Variants in NCAM2 observed in about 807,000 individuals in gnomAD.
NCAM2 encodes neural cell adhesion molecule 2.
In NCAM2, 30 loss-of-function variants were observed where a neutral mutation model predicts 98.1. That is an observed-to-expected ratio of 0.31 (90% confidence interval 0.23 to 0.41). NCAM2 has a LOEUF of 0.41. Ranked by LOEUF, NCAM2 falls within the 10% of genes least tolerant of loss-of-function variation. NCAM2 has a pLI of 1.00. For missense variants in NCAM2, 867 were observed against 1,005.8 expected (o/e 0.86, Z 1.87); for synonymous variants, 368 against 342.4 (o/e 1.07, Z -0.83).
chr21:21,445,187 G>A (rs1309511518), intron 12 of NCAM2, among the ~76,000 whole-genome samples: 7 of 152,124 alleles, frequency 4.6e-5, no homozygotes, highest in African/African-American at 1.4e-4. Context: ...ATTGCACTGT[G>A]GCCTGAGAGG....
intron 9 of NCAM2, chr21:21,385,613 A>T (rs967261931): frequency 3.1e-5 from 40 of 1,287,322 alleles, no homozygotes; most frequent in Non-Finnish European, 3.8e-5. Flanking sequence ...GCTTAAACAG[A>T]TTTCTTGGCA....
chr21:21,129,624 A>G (rs946674679), intron 1 of NCAM2, among the ~76,000 whole-genome samples: 2 of 152,154 alleles, frequency 1.3e-5, no homozygotes, highest in Admixed American at 1.3e-4. Context: ...TTTGGTTTTT[A>G]GATGGCATTC....
At chr21:21,136,997 A>T (rs1452368903) in intron 1 of NCAM2, among the ~76,000 whole-genome samples, 1 of 151,616 alleles carries the variant, frequency 6.6e-6, no homozygotes, top group Non-Finnish European at 1.5e-5. Context: ...TTTATGACTT[A>T]GAGTTGCTTG....
intron 1 of NCAM2, among the ~76,000 whole-genome samples, chr21:21,197,484 AACAG>A (rs1163237965): frequency 6.6e-6 from 1 of 152,176 alleles, no homozygotes; most frequent in African/African-American, 2.4e-5. Flanking sequence ...GCTGTGCAGA[AACAG>A]ACAAATACTT....
At chr21:21,445,115 T>C (rs540556316) in intron 12 of NCAM2, among the ~76,000 whole-genome samples, 97 of 152,294 alleles carry the variant, frequency 6.4e-4, no homozygotes, top group African/African-American at 2.2e-3. Flanking sequence ...AGGAGCAGAT[T>C]GTTGAATGTC....
intron 12 of NCAM2, among the ~76,000 whole-genome samples, chr21:21,440,035 G>A (rs1021364402): frequency 3.9e-5 from 6 of 152,166 alleles, no homozygotes; most frequent in African/African-American, 1.4e-4. Context: ...AAAGTTCTGC[G>A]TTAGGGCTAA....
intron 12 of NCAM2, among the ~76,000 whole-genome samples, chr21:21,443,123 G>T (rs1979557442): frequency 1.3e-5 from 2 of 152,112 alleles, no homozygotes; most frequent in South Asian, 4.1e-4. Flanking sequence ...CATGTCCTTT[G>T]CAGGGACATG....
At chr21:21,173,013 A>G (rs1185978942) in intron 1 of NCAM2, among the ~76,000 whole-genome samples, 1 of 152,186 alleles carries the variant, frequency 6.6e-6, no homozygotes, top group Non-Finnish European at 1.5e-5. Flanking sequence ...CTTGACTAAT[A>G]GTTATAGTGT....
chr21:21,335,731 C>G, intron 7 of NCAM2, 66 bp downstream of exon 7: 1 of 1,269,068 alleles, frequency 7.9e-7, no homozygotes, highest in Non-Finnish European at 1.0e-6. Context: ...AAATTCTACT[C>G]TAATCATTTG....
intron 1 of NCAM2, among the ~76,000 whole-genome samples, chr21:21,033,143 G>T (rs1168256182): frequency 1.3e-5 from 2 of 152,030 alleles, no homozygotes; most frequent in African/African-American, 4.8e-5. Flanking sequence ...TAGAGACGGG[G>T]TTTCACCAGG....
At chr21:21,365,525 A>G (rs148098992) in intron 8 of NCAM2, among the ~76,000 whole-genome samples, 1 of 152,046 alleles carries the variant, frequency 6.6e-6, no homozygotes, top group Non-Finnish European at 1.5e-5. Flanking sequence ...AATTAAAAAA[A>G]TCGTGGCATA....
rs1465516180 is a variant in NCAM2 at position 21,539,321 on chromosome 21, T to C, written c.*1364T>C. 6.6e-6 allele frequency: 1 copy of C among 152,212 alleles called. No individual in the cohort carries two copies. Among genetic ancestry groups the C allele is most frequent in the East Asian group, 1.9e-4 (1 of 5,190 alleles). The allele number at this position is 152,212 out of a possible 1,614,324, so 9.4% of individuals were successfully genotyped here. A position where few individuals can be genotyped will look rare whatever the true frequency, so the allele number is the denominator to read the frequency against. The stretch of plus-strand genomic sequence containing the variant: ...ACATACCATTTGGGAGCAGGTTTAT[T>C]AACCTTGAGAGCCAAAGGTTTCCTT... On this transcript the variant is annotated 3_prime_UTR_variant, in exon 18 of 18. Coordinates refer to ENST00000400546, the MANE Select transcript of NCAM2 (RefSeq NM_004540.5).
At chr21:21,498,016 A>G (rs1055982553) in intron 15 of NCAM2, among the ~76,000 whole-genome samples, 1 of 152,146 alleles carries the variant, frequency 6.6e-6, no homozygotes, top group Non-Finnish European at 1.5e-5. Flanking sequence ...AAAGAGCTGG[A>G]AATTATGTAA....
chr21:21,130,959 A>G (rs2066920520), intron 1 of NCAM2, among the ~76,000 whole-genome samples: 1 of 152,200 alleles, frequency 6.6e-6, no homozygotes, highest in African/African-American at 2.4e-5. Flanking sequence ...TATTGATACT[A>G]AACTAAAAAA....
intron 1 of NCAM2, among the ~76,000 whole-genome samples, chr21:21,272,124 A>T (rs1342906557): frequency 6.6e-6 from 1 of 152,198 alleles, no homozygotes; most frequent in Admixed American, 6.5e-5. Context: ...AGTGTGAAGG[A>T]GTTTGGATTT....
intron 12 of NCAM2, among the ~76,000 whole-genome samples, chr21:21,455,807 T>G (rs750416965): frequency 1.3e-5 from 2 of 151,960 alleles, no homozygotes; most frequent in Admixed American, 6.6e-5. Flanking sequence ...CATAAATGTT[T>G]CCAAATATCT....
At chr21:21,247,987 G>A (rs954916386) in intron 1 of NCAM2, among the ~76,000 whole-genome samples, 16 of 151,906 alleles carry the variant, frequency 1.1e-4, no homozygotes, top group African/African-American at 3.6e-4. Flanking sequence ...TGGGGATAAG[G>A]CATATACAGA....
chr21:21,442,158 A>C (rs1391891691), intron 12 of NCAM2, among the ~76,000 whole-genome samples: 2 of 152,120 alleles, frequency 1.3e-5, no homozygotes, highest in African/African-American at 4.8e-5. Flanking sequence ...TAATGACCTG[A>C]AATATCTAGG....
chr21:21,504,232 G>A (rs1987825824), intron 15 of NCAM2, among the ~76,000 whole-genome samples: 1 of 151,816 alleles, frequency 6.6e-6, no homozygotes, highest in Non-Finnish European at 1.5e-5. Context: ...CTCATTTTAG[G>A]GGTTAGTATG....
Sources: allele counts gnomAD v4.1 joint callset (sites outside exome capture counted in the v4.1 genomes callset), GRCh38; gene constraint gnomAD v4.1.1; transcripts MANE v1.5; gene names NCBI Gene and HGNC (gene_info 2026-07-23, HGNC 2026-07-21).